The following LRTM1 variants were observed in gnomAD, a reference collection of about 807,000 sequenced individuals.
LRTM1 encodes the protein leucine-rich repeat and transmembrane domain-containing protein 1.
A neutral mutation model predicts 32.4 loss-of-function variants in LRTM1; 38 were observed. That is an observed-to-expected ratio of 1.17 (90% confidence interval 0.91 to 1.54). LRTM1 has a LOEUF of 1.54. Among genes scored for constraint, LRTM1 ranks in the 40% most tolerant of loss-of-function variants. LRTM1 has a pLI of 0.00. For missense variants in LRTM1, 466 were observed against 415.4 expected, an observed-to-expected ratio of 1.12 and a Z score of -1.06; for synonymous variants, 186 against 169.9, an observed-to-expected ratio of 1.09 and a Z score of -0.74.
intron 2 of LRTM1, among the ~76,000 whole-genome samples, chr3:54,919,658 G>A (rs748626791): frequency 3.3e-5 from 5 of 152,220 alleles, no homozygotes; most frequent in Non-Finnish European, 5.9e-5. Context: ...CTAGCAGACT[G>A]AAGTCTAGTC....
chr3:54,937,734 G>A (rs909446327), intron 1 of LRTM1, among the ~76,000 whole-genome samples: 3 of 152,062 alleles, frequency 2.0e-5, no homozygotes, highest in Non-Finnish European at 2.9e-5. Flanking sequence ...GGGAAGAGAC[G>A]AGGGCCATTC....
intron 1 of LRTM1, among the ~76,000 whole-genome samples, chr3:54,962,848 C>A (rs1470411120): frequency 1.3e-5 from 2 of 152,184 alleles, no homozygotes. Flanking sequence ...CACTATTTTA[C>A]AAACCAGATC....
intron 1 of LRTM1, among the ~76,000 whole-genome samples, chr3:54,947,143 C>G (rs1387126331): frequency 1.3e-5 from 2 of 152,120 alleles, no homozygotes; most frequent in Non-Finnish European, 2.9e-5. Context: ...GTGCTTGATC[C>G]AGTTTTCATC....
intron 2 of LRTM1, among the ~76,000 whole-genome samples, chr3:54,920,162 T>A (rs1290742926): frequency 1.3e-5 from 2 of 152,184 alleles, no homozygotes; most frequent in Non-Finnish European, 2.9e-5. Flanking sequence ...CAGAAAGACA[T>A]ATGTAGAGGG....
upstream of LRTM1, among the ~76,000 whole-genome samples, chr3:54,932,135 C>T (rs1037259001): frequency 6.6e-6 from 1 of 151,998 alleles, no homozygotes; most frequent in Non-Finnish European, 1.5e-5. Context: ...GCCGAGATCA[C>T]GCCACTACAC....
intron 2 of LRTM1, among the ~76,000 whole-genome samples, chr3:54,922,858 G>T (rs1242728051): frequency 6.6e-6 from 1 of 152,024 alleles, no homozygotes; most frequent in Non-Finnish European, 1.5e-5. Context: ...TCAGCTGAAG[G>T]CATCACCATT....
chr3:54,963,636 A>G (rs977571141), intron 1 of LRTM1, among the ~76,000 whole-genome samples: 1 of 152,190 alleles, frequency 6.6e-6, no homozygotes, highest in East Asian at 1.9e-4. Context: ...GATCATTGGT[A>G]TTCTGCAAAG....
At chr3:54,965,316 G>A (rs1321478691) in intron 1 of LRTM1, among the ~76,000 whole-genome samples, 5 of 152,242 alleles carry the variant, frequency 3.3e-5, no homozygotes, top group African/African-American at 1.2e-4. Flanking sequence ...CTGGGTCCCC[G>A]TTCCCATTCT....
intron 2 of LRTM1, among the ~76,000 whole-genome samples, chr3:54,923,379 C>G (rs1700908610): frequency 2.6e-5 from 4 of 152,124 alleles, no homozygotes; most frequent in Non-Finnish European, 5.9e-5. Context: ...ATTCCTTCCC[C>G]CAGTTATCTC....
chr3:54,955,467 A>C (rs1055680405), intron 1 of LRTM1, among the ~76,000 whole-genome samples: 5 of 151,722 alleles, frequency 3.3e-5, no homozygotes, highest in Admixed American at 6.6e-5. Flanking sequence ...AAAAGAAAAA[A>C]GAAAAAAAAG....
intron 1 of LRTM1, among the ~76,000 whole-genome samples, chr3:54,934,656 C>T (rs1701284887): frequency 6.6e-6 from 1 of 152,174 alleles, no homozygotes; most frequent in Non-Finnish European, 1.5e-5. Flanking sequence ...TAGCCAGGTT[C>T]TGTGTAGACT....
Position 54,927,988 on chromosome 3 carries a change from G to T in LRTM1, c.-77C>A. ...GTGCAGAGCAACACACGAAGGGCAT[G>T]GCAGACTCAGAGCCCAGCTTTACAT... On this transcript the variant is annotated 5_prime_UTR_variant, in exon 1 of 3. Transcript: ENST00000273286. The T allele has an allele frequency of 7.5e-7, 1 of 1,340,966 alleles. No homozygotes were observed. Among genetic ancestry groups the T allele is most frequent in the Non-Finnish European group, 1.1e-6 (1 of 934,990 alleles). The allele number at this position is 1,340,966 out of a possible 1,614,324, so 83.1% of individuals were successfully genotyped here. A position where few individuals can be genotyped will look rare whatever the true frequency, so the allele number is the denominator to read the frequency against.
rs144225101 is a variant in LRTM1, at chr3:54,918,458, C to A, written c.*1G>T. On this transcript the variant is annotated 3_prime_UTR_variant, in exon 3 of 3. Coordinates refer to ENST00000273286, the MANE Select transcript of LRTM1 (RefSeq NM_020678.4). ...ACCAATCCTATTTGAGACAAAAGCT[C>A]TCAGGCTGGTGAGCTGTCAAATCGC... is the stretch of plus-strand genomic sequence containing the variant. 71 of 1,603,552 alleles carry A rather than the reference C, an allele frequency of 4.4e-5. No individual in the cohort carries two copies. The African/African-American group carries it at 7.0e-4, about 16-fold the overall frequency.
chr3:54,960,242 A>ATT (rs1287762291), intron 1 of LRTM1, among the ~76,000 whole-genome samples: 1 of 152,132 alleles, frequency 6.6e-6, no homozygotes, highest in African/African-American at 2.4e-5. Context: ...GGCCTTGTCA[A>ATT]TGGTGTGATA....
intron 1 of LRTM1, among the ~76,000 whole-genome samples, chr3:54,954,463 T>G (rs1701831806): frequency 6.6e-6 from 1 of 152,226 alleles, no homozygotes; most frequent in Non-Finnish European, 1.5e-5. Flanking sequence ...TTTCCAGAGT[T>G]AGACCCAAGG....
At position 54,954,514 on chromosome 3, in the gene LRTM1, T is replaced by C. The variant is rs896481133; in HGVS notation, c.-222+12414A>G. ...CTGCCCAGACATCAGGGTGCATATC[T>C]TTCTGTCGGGGTCTACCAGCCCTTC... On this transcript the variant is annotated intron_variant, in intron 1 of 2. Coordinates refer to the LRTM1 transcript ENST00000493075. Among the ~76,000 whole-genome samples the C allele has an allele frequency of 2.0e-5, 3 of 152,350 alleles. 1 individual carries two copies.
chr3:54,948,418 G>A (rs1025064340), intron 1 of LRTM1, among the ~76,000 whole-genome samples: 4 of 152,234 alleles, frequency 2.6e-5, no homozygotes, highest in Non-Finnish European at 5.9e-5. Context: ...GGGCATATAT[G>A]TGTTTGCCTT....
intron 1 of LRTM1, among the ~76,000 whole-genome samples, chr3:54,964,249 TA>T (rs2107056069): frequency 6.6e-6 from 1 of 152,298 alleles, no homozygotes; most frequent in Admixed American, 6.5e-5. Flanking sequence ...TGCAGTTGTG[TA>T]AAGGGACTTT....
At chr3:54,947,131 C>G (rs147053094) in intron 1 of LRTM1, among the ~76,000 whole-genome samples, 39 of 152,314 alleles carry the variant, frequency 2.6e-4, no homozygotes, top group Admixed American at 6.5e-4. Flanking sequence ...GTTCCAGACA[C>G]TGTGCTTGAT....
Sources: allele counts gnomAD v4.1 joint callset (sites outside exome capture counted in the v4.1 genomes callset), GRCh38; gene constraint gnomAD v4.1.1; transcripts MANE v1.5; gene names NCBI Gene and HGNC (gene_info 2026-07-23, HGNC 2026-07-21).